MEGF11: variants seen among roughly 807,000 people sequenced by gnomAD.
MEGF11 encodes the protein multiple EGF like domains 11, also known as multiple epidermal growth factor-like domains protein 11.
MEGF11 carries 126 observed loss-of-function variants against 146.6 expected under a neutral mutation model. The observed-to-expected ratio is 0.86, with a 90% CI of 0.74 to 1.00. MEGF11 has a LOEUF of 1.00. Ranked by LOEUF, MEGF11 falls within the 50% of genes least tolerant of loss-of-function variation. MEGF11 has a pLI of 0.00. For missense variants in MEGF11, 1,509 were observed against 1,521.2 expected (o/e 0.99, Z 0.13); for synonymous variants, 532 against 583.4 (o/e 0.91, Z 1.27).
chr15:66,228,320 C>A (rs1398232038), intron 1 of MEGF11, among the ~76,000 whole-genome samples: 2 of 152,108 alleles, frequency 1.3e-5, no homozygotes, highest in Admixed American at 6.5e-5. Flanking sequence ...AGCCTTGTCC[C>A]CACCACCAAG....
At chr15:66,069,260 T>C (rs1260940985) in intron 5 of MEGF11, among the ~76,000 whole-genome samples, 1 of 152,222 alleles carries the variant, frequency 6.6e-6, no homozygotes, top group African/African-American at 2.4e-5. Flanking sequence ...TCACAGTGAA[T>C]GATTAATCCG....
intron 5 of MEGF11, among the ~76,000 whole-genome samples, chr15:65,988,008 CTTTTTTT>C: frequency 1.1e-5 from 1 of 93,614 alleles, no homozygotes; most frequent in East Asian, 3.1e-4. Flanking sequence ...AGTACCCGGT[CTTTTTTT>C]TTTTTTTTTT....
intron 5 of MEGF11, among the ~76,000 whole-genome samples, chr15:66,013,583 T>C (rs1473892558): frequency 1.3e-5 from 2 of 152,134 alleles, no homozygotes; most frequent in Admixed American, 1.3e-4. Context: ...AGAGATCAAT[T>C]AACTTGCCAT....
intron 1 of MEGF11, among the ~76,000 whole-genome samples, chr15:66,209,625 C>A (rs1286443146): frequency 7.9e-5 from 12 of 152,084 alleles, no homozygotes. Flanking sequence ...GGATAAATCT[C>A]CAGAGAATTA....
intron 9 of MEGF11, 145 bp from the exon 10 acceptor site, chr15:65,957,866 T>G: frequency 1.4e-6 from 1 of 708,146 alleles, no homozygotes; most frequent in Non-Finnish European, 2.3e-6. Flanking sequence ...CTTTTCTGTT[T>G]ATCAGAAGAT....
chr15:66,127,825 C>G (rs2088438472), intron 2 of MEGF11, among the ~76,000 whole-genome samples: 1 of 131,768 alleles, frequency 7.6e-6, no homozygotes, highest in Non-Finnish European at 1.6e-5. Flanking sequence ...CCCCACCAGA[C>G]TGGAAGTAGT....
At chr15:66,060,961 T>A (rs2084880082) in intron 5 of MEGF11, among the ~76,000 whole-genome samples, 1 of 152,176 alleles carries the variant, frequency 6.6e-6, no homozygotes, top group Non-Finnish European at 1.5e-5. Context: ...TGGCGTTGGC[T>A]CCTAGCCCTC....
chr15:65,950,584 GACACACACACACACACACACACACACAC>G (rs57977250), intron 10 of MEGF11, among the ~76,000 whole-genome samples: 9 of 148,826 alleles, frequency 6.0e-5, no homozygotes, highest in Non-Finnish European at 1.0e-4. Context: ...TAGACACACA[GACACACACACACACACACACACACACAC>G]ACACACACAC....
intron 4 of MEGF11, among the ~76,000 whole-genome samples, chr15:66,107,193 C>T (rs1358955954): frequency 6.6e-6 from 1 of 152,144 alleles, no homozygotes; most frequent in Non-Finnish European, 1.5e-5. Flanking sequence ...CCAGCCAGTC[C>T]CCACCCCGCC....
At chr15:65,958,320 A>C (rs536443515) in intron 9 of MEGF11, among the ~76,000 whole-genome samples, 9 of 152,356 alleles carry the variant, frequency 5.9e-5, no homozygotes, top group African/African-American at 1.9e-4. Context: ...GCTCTTCTCC[A>C]TCTCCTGTTT....
intron 24 of MEGF11, among the ~76,000 whole-genome samples, chr15:65,903,202 G>C (rs897825894): frequency 7.9e-5 from 12 of 152,194 alleles, no homozygotes; most frequent in Admixed American, 7.2e-4. Flanking sequence ...AGACAGACTT[G>C]GAAGTTAGAT....
At chr15:66,027,763 C>T (rs2083386309) in intron 5 of MEGF11, among the ~76,000 whole-genome samples, 2 of 152,204 alleles carry the variant, frequency 1.3e-5, no homozygotes, top group Admixed American at 1.3e-4. Flanking sequence ...AGTCACTGCC[C>T]TCTATGCCCT....
chr15:66,079,537 A>ACCCCC (rs56067269), intron 5 of MEGF11, among the ~76,000 whole-genome samples: 1 of 122,060 alleles, frequency 8.2e-6, no homozygotes, highest in African/African-American at 3.5e-5. Context: ...CTTCATTCAC[A>ACCCCC]CCCCCCCCCC....
At chr15:66,058,717 C>T (rs771768602) in intron 5 of MEGF11, among the ~76,000 whole-genome samples, 5 of 152,164 alleles carry the variant, frequency 3.3e-5, no homozygotes, top group Non-Finnish European at 5.9e-5. Flanking sequence ...TATCCTCCCT[C>T]TTCGGGGTGG....
At chr15:66,187,155 A>G (rs2090730909) in intron 1 of MEGF11, among the ~76,000 whole-genome samples, 1 of 152,222 alleles carries the variant, frequency 6.6e-6, no homozygotes, top group Admixed American at 6.5e-5. Context: ...ATCTTAAAAC[A>G]TATTGTTTTG....
intron 1 of MEGF11, among the ~76,000 whole-genome samples, chr15:66,252,506 G>T (rs1346713386): frequency 6.6e-6 from 1 of 152,132 alleles, no homozygotes; most frequent in Non-Finnish European, 1.5e-5. Context: ...TCGCAGCGCG[G>T]GCTGCGGGGC....
chr15:66,063,917 A>G (rs1365829252), intron 5 of MEGF11, among the ~76,000 whole-genome samples: 1 of 152,216 alleles, frequency 6.6e-6, no homozygotes, highest in African/African-American at 2.4e-5. Flanking sequence ...TCTAATGAGG[A>G]AACAATCTCA....
chr15:66,074,122 C>T (rs1295433758), intron 5 of MEGF11, among the ~76,000 whole-genome samples: 1 of 152,200 alleles, frequency 6.6e-6, no homozygotes, highest in Non-Finnish European at 1.5e-5. Context: ...CCCATCTTCT[C>T]CTTCCCCAGG....
At chr15:66,018,933 GAA>G (rs1282107580) in intron 5 of MEGF11, among the ~76,000 whole-genome samples, 3 of 152,264 alleles carry the variant, frequency 2.0e-5, no homozygotes, top group Admixed American at 2.0e-4. Flanking sequence ...AACGCAGAAA[GAA>G]GAGAGATTTG....
Sources: allele counts gnomAD v4.1 joint callset (sites outside exome capture counted in the v4.1 genomes callset), GRCh38; gene constraint gnomAD v4.1.1; transcripts MANE v1.5; gene names NCBI Gene and HGNC (gene_info 2026-07-23, HGNC 2026-07-21).